The following MTNR1A variants were observed in gnomAD, a reference collection of about 807,000 sequenced individuals.
MTNR1A encodes melatonin receptor 1A.
Under a neutral mutation model 5.5 loss-of-function variants are expected in MTNR1A, and 7 were observed. That is an observed-to-expected ratio of 1.28 (90% confidence interval 0.73 to 2.40). The LOEUF is 2.40. Ranked by LOEUF, MTNR1A falls within the 30% of genes most tolerant of loss-of-function variation. MTNR1A has a pLI of 0.00. For missense variants in MTNR1A, 441 were observed against 464.4 expected (o/e 0.95, Z 0.46); for synonymous variants, 196 against 202.7 (o/e 0.97, Z 0.28).
Position 186,534,171 on chromosome 4 carries a change from CG to C in MTNR1A, c.570del (p.Val191TrpfsTer10). ...AQSVSSAYTI[A>X]VVVFHFLVPM... Reference sequence around the variant, plus strand: ...GGGACGAGGAAGTGGAAAACCACCACGGCGATGGTGTAGGCGGAGCTGACGG... The same window carrying C: ...GGGACGAGGAAGTGGAAAACCACCACGCGATGGTGTAGGCGGAGCTGACGG... On this transcript the variant is annotated frameshift_variant, in exon 2 of 2. Coordinates refer to ENST00000307161, the MANE Select transcript of MTNR1A (RefSeq NM_005958.4). LOFTEE classifies it low-confidence loss of function (END_TRUNC). The C allele has an allele frequency of 3.1e-6, 5 of 1,613,404 alleles. No individual in the cohort carries two copies. The highest frequency in any genetic ancestry group is 1.3e-5 in the African/African-American group (1 of 75,010).
chr4:186,554,009 C>T (rs1737318795), intron 1 of MTNR1A, among the ~76,000 whole-genome samples: 1 of 152,206 alleles, frequency 6.6e-6, no homozygotes, highest in African/African-American at 2.4e-5. Flanking sequence ...CACAAGGCTG[C>T]ACTAGGATTC....
chr4:186,554,763 C>G (rs1456708389), intron 1 of MTNR1A, among the ~76,000 whole-genome samples: 1 of 152,200 alleles, frequency 6.6e-6, no homozygotes, highest in East Asian at 1.9e-4. Flanking sequence ...GGCGGCTGCT[C>G]CATCATTTTG....
At chr4:186,547,373 T>A (rs929264913) in intron 1 of MTNR1A, among the ~76,000 whole-genome samples, 1 of 150,570 alleles carries the variant, frequency 6.6e-6, no homozygotes, top group Non-Finnish European at 1.5e-5. Flanking sequence ...GGACACACTG[T>A]CCACACCACA....
chr4:186,554,923 G>A (rs936928953), intron 1 of MTNR1A, among the ~76,000 whole-genome samples: 1 of 152,206 alleles, frequency 6.6e-6, no homozygotes, highest in Non-Finnish European at 1.5e-5. Flanking sequence ...CCTCAGACAG[G>A]ACAACCAGAC....
At chr4:186,554,329 T>C (rs1579258125) in intron 1 of MTNR1A, among the ~76,000 whole-genome samples, 2 of 152,140 alleles carry the variant, frequency 1.3e-5, no homozygotes, top group Non-Finnish European at 2.9e-5. Flanking sequence ...AAAATATTGA[T>C]CTTGGCAGAC....
intron 1 of MTNR1A, among the ~76,000 whole-genome samples, chr4:186,539,446 G>C (rs1438187541): frequency 6.6e-6 from 1 of 152,148 alleles, no homozygotes; most frequent in Non-Finnish European, 1.5e-5. Flanking sequence ...TGATCCAATG[G>C]CTATGGTCTA....
intron 1 of MTNR1A, among the ~76,000 whole-genome samples, chr4:186,538,229 C>G (rs1736919651): frequency 6.6e-6 from 1 of 152,234 alleles, no homozygotes; most frequent in Non-Finnish European, 1.5e-5. Flanking sequence ...TCTTCTCCCT[C>G]CACCTTGAAC....
chr4:186,553,675 C>G (rs1737308670), intron 1 of MTNR1A, among the ~76,000 whole-genome samples: 1 of 152,172 alleles, frequency 6.6e-6, no homozygotes, highest in Non-Finnish European at 1.5e-5. Flanking sequence ...CCACATCCAG[C>G]TAATTTTTTG....
Position 186,535,754 on chromosome 4 carries a change from T to C in MTNR1A, c.185-1197A>G, listed in dbSNP as rs111555868. ...GAGATGTTCTGCAAATATGTTTTTT[T>C]TCTTTTGCGGCTCTTCTGCCTCTGT... On this transcript the variant is annotated intron_variant, in intron 1 of 1. Transcript: ENST00000307161. Among the ~76,000 whole-genome samples, 670 of 152,330 alleles carry C rather than the reference T, an allele frequency of 4.4e-3. 4 individuals carry two copies. Among genetic ancestry groups the C allele is most frequent in the Middle Eastern group, 0.014 (4 of 294 alleles).
intron 1 of MTNR1A, among the ~76,000 whole-genome samples, chr4:186,550,291 C>A (rs1174641465): frequency 6.6e-6 from 1 of 152,174 alleles, no homozygotes; most frequent in Non-Finnish European, 1.5e-5. Context: ...AAAAACGCTT[C>A]TTTAACAACA....
intron 1 of MTNR1A, among the ~76,000 whole-genome samples, chr4:186,554,607 G>C (rs1349283263): frequency 6.6e-6 from 1 of 152,164 alleles, no homozygotes; most frequent in Non-Finnish European, 1.5e-5. Flanking sequence ...CTGGCTACCT[G>C]CCTACTCTAA....
chr4:186,551,678 C>T (rs946339066), intron 1 of MTNR1A, among the ~76,000 whole-genome samples: 1 of 151,984 alleles, frequency 6.6e-6, no homozygotes, highest in Non-Finnish European at 1.5e-5. Flanking sequence ...CTTCTAGTAT[C>T]CCTGTAAGAA....
At position 186,554,061 on chromosome 4, in the gene MTNR1A, C is replaced by A. The variant is rs545354014; in HGVS notation, c.184+1121G>T. Reference sequence around the variant, plus strand: ...ACAACCTGTTTGGTCCAGAGAAAGTCGTTTTTATTGCTAGGAAGGAAAGAG... The same window carrying A: ...ACAACCTGTTTGGTCCAGAGAAAGTAGTTTTTATTGCTAGGAAGGAAAGAG... On this transcript the variant is annotated intron_variant, in intron 1 of 1. Transcript: ENST00000307161. Among the ~76,000 whole-genome samples, 4 of 152,270 alleles carry A rather than the reference C, an allele frequency of 2.6e-5. No individual in the cohort carries two copies. The Middle Eastern group carries it at 0.01, about 388-fold the overall frequency.
Position 186,533,795 on chromosome 4 carries a change from G to A in MTNR1A, c.947C>T (p.Ala316Val). The A allele has an allele frequency of 6.2e-7, 1 of 1,614,142 alleles. No individual in the cohort carries two copies. Among genetic ancestry groups the A allele is most frequent in the Non-Finnish European group, 8.5e-7 (1 of 1,180,034 alleles). ...YRRIIVSLCT[A>V]RVFFVDSSND... ...AGAGCTGTCCACAAAGAACACCCTG[G>A]CTGTACAGAGCGAGACTATAATTCT... is the stretch of plus-strand genomic sequence containing the variant. Residue 316 changes from alanine (A) to valine (V), a missense_variant, in exon 2 of 2, where the codon GCC (alanine) becomes GTC (valine). Ala to Val is a moderately conservative substitution (Grantham distance 64). Transcript: ENST00000307161.
Sources: allele counts gnomAD v4.1 joint callset (sites outside exome capture counted in the v4.1 genomes callset), GRCh38; gene constraint gnomAD v4.1.1; transcripts MANE v1.5; gene names NCBI Gene and HGNC (gene_info 2026-07-23, HGNC 2026-07-21).